The following KDM1B variants were observed in gnomAD, a reference collection of about 807,000 sequenced individuals.
The protein encoded by KDM1B is lysine demethylase 1B.
A neutral mutation model predicts 107.4 loss-of-function variants in KDM1B; 63 were observed. That is an observed-to-expected ratio of 0.59 (90% CI 0.48 to 0.72). The LOEUF (loss-of-function observed/expected upper bound fraction) is 0.72, where lower values mean the gene tolerates loss of function less well. Ranked by LOEUF, KDM1B falls within the 30% of genes least tolerant of loss-of-function variation. The probability of loss-of-function intolerance (pLI) is 0.00; values close to 1 mark genes in which losing one functional copy is unlikely to be tolerated. For missense variants in KDM1B, 749 were observed against 1,020.8 expected (o/e 0.73, Z 3.63); for synonymous variants, 363 against 363.9 (o/e 1.00, Z 0.03).
At chr6:18,192,738 CAA>C (rs534083654) in intron 10 of KDM1B, among the ~76,000 whole-genome samples, 1 of 125,200 alleles carries the variant, frequency 8.0e-6, no homozygotes, top group Non-Finnish European at 1.7e-5. Flanking sequence ...GATCCCGTCT[CAA>C]AAAAAAAAAA....
At chr6:18,196,927 T>G in intron 10 of KDM1B, 130 bp from the exon 11 acceptor site, 2 of 861,716 alleles carry the variant, frequency 2.3e-6, no homozygotes, top group South Asian at 1.8e-5. Context: ...GTTGGCCATT[T>G]GAGCATCTGC....
intron 16 of KDM1B, 104 bp downstream of exon 16, chr6:18,207,633 A>G: frequency 7.1e-7 from 1 of 1,416,592 alleles, no homozygotes; most frequent in Non-Finnish European, 9.8e-7. Context: ...TTTGGTGTTT[A>G]GCCAGGGTCT....
At chr6:18,165,408 G>A (rs1334610192) in intron 5 of KDM1B, among the ~76,000 whole-genome samples, 1 of 151,994 alleles carries the variant, frequency 6.6e-6, no homozygotes, top group Non-Finnish European at 1.5e-5. Context: ...GGGATTACAG[G>A]CGTGAGCCAC....
At chr6:18,167,682 C>G (rs1338015551) in intron 6 of KDM1B, among the ~76,000 whole-genome samples, 1 of 152,062 alleles carries the variant, frequency 6.6e-6, no homozygotes, top group African/African-American at 2.4e-5. Context: ...CCATGTTGCC[C>G]AGGCTGGTCT....
chr6:18,221,373 C>A (rs1366265721), intron 21 of KDM1B, among the ~76,000 whole-genome samples: 2 of 152,204 alleles, frequency 1.3e-5, no homozygotes, highest in Non-Finnish European at 1.5e-5. Context: ...ATTGTTCCCA[C>A]CATAGCCATT....
In KDM1B at chr6:18,211,960, T is replaced by TG. The variant is rs1788882302; in HGVS notation, c.1867-528_1867-527insG. ...CTTTTCGGGGTTTTGTTTTTTTTTTTTTTTTGAGACAGTCTCGCTCTGTTG... is the reference window on the plus strand; with the variant it reads ...CTTTTCGGGGTTTTGTTTTTTTTTTTGTTTTTGAGACAGTCTCGCTCTGTTG... On this transcript the variant is annotated intron_variant, in intron 17 of 21. Transcript: ENST00000650836. This position sits in a 1 kb window ranked among gnomAD's most constrained non-coding sequence, Gnocchi z 5.2. 1.3e-5 allele frequency: 2 copies of TG among 157,806 alleles called. No homozygotes were observed. The highest frequency in any genetic ancestry group is 6.5e-5 in the Admixed American group (1 of 15,384). 9.8% of individuals were successfully genotyped at this position (157,806 alleles called of 1,614,324 possible). A position where few individuals can be genotyped will look rare whatever the true frequency, so the allele number is the denominator to read the frequency against.
At chr6:18,183,408 G>A (rs781005006) in intron 7 of KDM1B, among the ~76,000 whole-genome samples, 5 of 151,212 alleles carry the variant, frequency 3.3e-5, no homozygotes, top group Admixed American at 6.6e-5. Context: ...GCTGGTGCCC[G>A]CCACCACACC....
At chr6:18,217,369 A>G (rs1000752040) in intron 20 of KDM1B, among the ~76,000 whole-genome samples, 1 of 145,524 alleles carries the variant, frequency 6.9e-6, no homozygotes, top group East Asian at 2.0e-4. Context: ...TACCATGTCT[A>G]TCTCCCTTCT....
chr6:18,166,423 A>T (rs1331879135), intron 6 of KDM1B, 45 bp downstream of exon 6: 3 of 1,107,760 alleles, frequency 2.7e-6, no homozygotes, highest in Non-Finnish European at 4.2e-6. Context: ...TTGTGGAGCC[A>T]AATGCAAGAG....
Position 18,171,272 on chromosome 6 carries a change from A to G in KDM1B, c.418-91A>G, listed in dbSNP as rs1785646907. 3 of 768,222 alleles carry G rather than the reference A, an allele frequency of 3.9e-6. No individual in the cohort carries two copies. In the Admixed American group the frequency reaches 5.3e-5, roughly 13 times the overall value. 47.6% of individuals were successfully genotyped at this position (768,222 alleles called of 1,614,324 possible). ...AGAAAAAATACTTAGGATTGCTAACAGGTTGGAGAAGATGACCAAGTGGTG... is the reference window on the plus strand; with the variant it reads ...AGAAAAAATACTTAGGATTGCTAACGGGTTGGAGAAGATGACCAAGTGGTG... On this transcript the variant is annotated intron_variant, in intron 6 of 21. Coordinates refer to ENST00000650836, the MANE Select transcript of KDM1B (RefSeq NM_001364614.2).
At chr6:18,195,608 G>A (rs12203214) in intron 10 of KDM1B, among the ~76,000 whole-genome samples, 2,494 of 151,760 alleles carry the variant, frequency 0.016, 38 homozygotes, top group Non-Finnish European at 0.024. Flanking sequence ...GGTGGTAGGC[G>A]CCTGTAGTCC....
intron 2 of KDM1B, among the ~76,000 whole-genome samples, chr6:18,158,262 T>C (rs997301955): frequency 6.6e-6 from 1 of 150,708 alleles, no homozygotes; most frequent in African/African-American, 2.4e-5. Context: ...TAATATTTAT[T>C]GTTTCTGAGA....
chr6:18,200,477 A>C lies in KDM1B; in HGVS notation c.1260A>C (p.Arg420=). 1 of 1,614,058 alleles carries C rather than the reference A, an allele frequency of 6.2e-7. No individual in the cohort carries two copies. The highest frequency in any genetic ancestry group is 1.7e-5 in the Admixed American group (1 of 59,992). ...VLEAKDRIGG[R]VWDDKSFKGV... is the part of the protein sequence containing the mutation. ...AAGCCAAAGACAGAATTGGAGGCCG[A>C]GTCTGGGATGATAAATCTTTTAAAG... is the stretch of plus-strand genomic sequence containing the variant. Residue 420 remains arginine, a synonymous_variant, in exon 13 of 22, where the codon CGA becomes CGC. Transcript: ENST00000650836. The surrounding 1 kb of genome is among the most constrained non-coding windows in gnomAD (Gnocchi z 4.3).
Position 18,159,823 on chromosome 6 carries a change from C to T in KDM1B, c.-13-60C>T. ...CTACCAAAGTGTATAATAACTTGCTCCAGACTGTTAAAAATATTTGCAGAT... is the reference window on the plus strand; with the variant it reads ...CTACCAAAGTGTATAATAACTTGCTTCAGACTGTTAAAAATATTTGCAGAT... On this transcript the variant is annotated intron_variant, in intron 2 of 21. Transcript: ENST00000650836. This position sits in a 1 kb window ranked among gnomAD's most constrained non-coding sequence, Gnocchi z 4.5. 1.1e-6 allele frequency: 1 copy of T among 871,514 alleles called. No homozygotes were observed. Among genetic ancestry groups the T allele is most frequent in the Non-Finnish European group, 1.9e-6 (1 of 525,920 alleles). 54.0% of individuals were successfully genotyped at this position (871,514 alleles called of 1,614,324 possible). A position where few individuals can be genotyped will look rare whatever the true frequency, so the allele number is the denominator to read the frequency against.
At chr6:18,210,961 C>T (rs927289649) in intron 17 of KDM1B, among the ~76,000 whole-genome samples, 8 of 152,114 alleles carry the variant, frequency 5.3e-5, no homozygotes, top group African/African-American at 1.9e-4. Context: ...GATCATGCCA[C>T]TGCACTCCAG....
At chr6:18,189,504 C>T (rs950328458) in intron 9 of KDM1B, among the ~76,000 whole-genome samples, 1 of 152,158 alleles carries the variant, frequency 6.6e-6, no homozygotes, top group Non-Finnish European at 1.5e-5. Context: ...AATTTCTTTT[C>T]ACATTGCTTG....
chr6:18,208,171 A>G lies in KDM1B; in HGVS notation c.1831A>G (p.Thr611Ala). The change falls in exon 17 of 22, where the codon ACC (threonine) becomes GCC (alanine). Residue 611 changes from threonine (T) to alanine (A), a missense_variant. Physicochemically the swap from Thr to Ala is moderately conservative, Grantham distance 58. Transcript: ENST00000650836. ...IDYSGDEVQV[T>A]TTDGTGYSAQ... The stretch of plus-strand genomic sequence containing the variant: ...TTATTCTGGAGATGAAGTGCAGGTT[A>G]CCACTACAGATGGCACAGGGTATTC... The G allele has an allele frequency of 6.2e-7, 1 of 1,613,844 alleles. No individual in the cohort carries two copies. Among genetic ancestry groups the G allele is most frequent in the Non-Finnish European group, 8.5e-7 (1 of 1,179,832 alleles).
chr6:18,179,678 C>T (rs1786296212), intron 7 of KDM1B, among the ~76,000 whole-genome samples: 1 of 150,330 alleles, frequency 6.7e-6, no homozygotes, highest in African/African-American at 2.5e-5. Context: ...TGTACTGTTC[C>T]CTTGTTCTCC....
chr6:18,201,746 C>T lies in KDM1B; in HGVS notation c.1531+89C>T, dbSNP rs1348593465. ...CAGTGGCATTGTTCATTTGCGAGGT[C>T]GGATGTCGGCAACAGGGTAGCCCTC... On this transcript the variant is annotated intron_variant, in intron 14 of 21. Coordinates refer to ENST00000650836, the MANE Select transcript of KDM1B (RefSeq NM_001364614.2). This position sits in a 1 kb window ranked among gnomAD's most constrained non-coding sequence, Gnocchi z 4.3. 36 of 1,115,088 alleles carry T rather than the reference C, an allele frequency of 3.2e-5. 2 individuals carry two copies. In the South Asian group the frequency reaches 4.9e-4, roughly 15 times the overall value. The allele number at this position is 1,115,088 out of a possible 1,614,324, so 69.1% of individuals were successfully genotyped here. A position where few individuals can be genotyped will look rare whatever the true frequency, so the allele number is the denominator to read the frequency against.
Sources: allele counts gnomAD v4.1 joint callset (sites outside exome capture counted in the v4.1 genomes callset), GRCh38; gene constraint gnomAD v4.1.1; non-coding constraint Gnocchi (gnomAD v3.1); transcripts MANE v1.5; gene names NCBI Gene and HGNC (gene_info 2026-07-23, HGNC 2026-07-21).